PPP2R2C: variants seen among roughly 807,000 people sequenced by gnomAD.
PPP2R2C encodes protein phosphatase 2, regulatory subunit B, gamma.
In PPP2R2C, 10 loss-of-function variants were observed where a neutral mutation model predicts 45.3. The ratio of observed to expected loss-of-function variants is 0.22; its 90% CI spans 0.14 to 0.37. PPP2R2C has a LOEUF of 0.37. Among genes scored for constraint, PPP2R2C ranks in the 10% least tolerant of loss-of-function variants. The pLI, the probability that PPP2R2C is intolerant of heterozygous loss-of-function variation, is 1.00. For synonymous variants in PPP2R2C, 257 were observed against 245.4 expected, an observed-to-expected ratio of 1.05 and a Z score of -0.44; for missense variants, 308 against 619.7, an observed-to-expected ratio of 0.50 and a Z score of 5.34.
chr4:6,375,720 G>T lies in PPP2R2C; in HGVS notation c.447+99C>A, dbSNP rs560567276. On this transcript the variant is annotated intron_variant, in intron 4 of 8. Transcript: ENST00000382599. ...GCAGCCAGCAGCCCAACCAGGGTCT[G>T]CACCTGACTCTGGCTCAAATCTCAA... The T allele has an allele frequency of 1.9e-5, 20 of 1,053,846 alleles. No homozygotes were observed. The South Asian group carries it at 2.9e-4, about 15-fold the overall frequency. The allele number at this position is 1,053,846 out of a possible 1,614,324, so 65.3% of individuals were successfully genotyped here.
chr4:6,341,357 A>C (rs1197038737), intron 6 of PPP2R2C, among the ~76,000 whole-genome samples: 8 of 146,000 alleles, frequency 5.5e-5, no homozygotes, highest in Non-Finnish European at 1.2e-4. Flanking sequence ...AAAAAAAAAA[A>C]ACCCAGCTCA....
chr4:6,346,502 G>A (rs191886211), intron 6 of PPP2R2C, among the ~76,000 whole-genome samples: 26 of 152,300 alleles, frequency 1.7e-4, no homozygotes, highest in East Asian at 3.9e-4. Context: ...CCTGACATGC[G>A]TCAGGTGTGT....
intron 1 of PPP2R2C, chr4:6,421,006 CTGA>C: frequency 1.0e-6 from 1 of 985,238 alleles, no homozygotes; most frequent in Non-Finnish European, 1.2e-6. Flanking sequence ...CTCGATGTGC[CTGA>C]GGAGGGCTTC....
intron 2 of PPP2R2C, among the ~76,000 whole-genome samples, chr4:6,515,791 C>G (rs1341548938): frequency 6.6e-6 from 1 of 152,196 alleles, no homozygotes; most frequent in African/African-American, 2.4e-5. Flanking sequence ...TACTGTAAAG[C>G]TGTCCTGGAA....
intron 2 of PPP2R2C, among the ~76,000 whole-genome samples, chr4:6,510,975 TCAAACAAAAAAAAACAAA>T (rs1379371299): frequency 5.3e-5 from 2 of 37,714 alleles, no homozygotes; most frequent in Admixed American, 6.2e-4. Flanking sequence ...AGACTCCGTC[TCAAACAAAAAAAAACAAA>T]CAAACAAAAA....
intron 2 of PPP2R2C, among the ~76,000 whole-genome samples, chr4:6,507,725 G>A (rs960303543): frequency 2.6e-5 from 4 of 152,198 alleles, no homozygotes; most frequent in African/African-American, 9.7e-5. Context: ...TGAATTTTGG[G>A]GTGGTTTGTT....
At chr4:6,366,436 A>G (rs1310475045) in intron 5 of PPP2R2C, among the ~76,000 whole-genome samples, 2 of 152,344 alleles carry the variant, frequency 1.3e-5, no homozygotes, top group Middle Eastern at 3.4e-3. Context: ...ACAACCGTTC[A>G]TAAGTACCTC....
intron 1 of PPP2R2C, among the ~76,000 whole-genome samples, chr4:6,463,453 C>A (rs1233355508): frequency 3.3e-5 from 5 of 152,250 alleles, no homozygotes; most frequent in African/African-American, 9.6e-5. Flanking sequence ...GCAGCCCACA[C>A]CCCAGCTGGG....
At chr4:6,325,481 G>T (rs1283375839) in intron 8 of PPP2R2C, among the ~76,000 whole-genome samples, 1 of 152,206 alleles carries the variant, frequency 6.6e-6, no homozygotes, top group Non-Finnish European at 1.5e-5. Flanking sequence ...CCAGCACAGT[G>T]GGGAGGCAGC....
At chr4:6,519,834 C>G (rs976137936) in intron 2 of PPP2R2C, among the ~76,000 whole-genome samples, 4 of 152,134 alleles carry the variant, frequency 2.6e-5, no homozygotes, top group Admixed American at 6.5e-5. Flanking sequence ...AAGTGATCCA[C>G]AGAGACACAA....
chr4:6,556,351 A>C (rs1342733517), intron 1 of PPP2R2C, among the ~76,000 whole-genome samples: 2 of 152,176 alleles, frequency 1.3e-5, no homozygotes, highest in Non-Finnish European at 2.9e-5. Flanking sequence ...GAGCTGGGAC[A>C]TCAGTCTTCT....
intron 1 of PPP2R2C, among the ~76,000 whole-genome samples, chr4:6,390,237 A>AG (rs1403096238): frequency 6.6e-5 from 10 of 151,672 alleles, no homozygotes; most frequent in African/African-American, 1.7e-4. Flanking sequence ...CTGGGGGTGC[A>AG]CACACTGTGC....
chr4:6,542,123 C>T (rs141619766), intron 1 of PPP2R2C, among the ~76,000 whole-genome samples: 5 of 152,284 alleles, frequency 3.3e-5, no homozygotes, highest in East Asian at 1.9e-4. Flanking sequence ...GGGAGCAGTG[C>T]GCTCACTCCC....
At chr4:6,363,590 GA>G (rs1714018159) in intron 5 of PPP2R2C, among the ~76,000 whole-genome samples, 1 of 151,186 alleles carries the variant, frequency 6.6e-6, no homozygotes, top group South Asian at 2.1e-4. Context: ...AAAAAAAAAA[GA>G]AAAGAAAAAG....
chr4:6,373,087 GC>G (rs1180911166), intron 4 of PPP2R2C, among the ~76,000 whole-genome samples: 1 of 152,242 alleles, frequency 6.6e-6, no homozygotes, highest in East Asian at 1.9e-4. Flanking sequence ...TTTCCCAGCA[GC>G]CTTTGTGCCC....
intron 1 of PPP2R2C, among the ~76,000 whole-genome samples, chr4:6,431,689 A>G (rs1298935877): frequency 5.3e-5 from 8 of 151,938 alleles, no homozygotes; most frequent in African/African-American, 1.9e-4. Flanking sequence ...TCTAGTCCAC[A>G]CCTCGGGGCC....
chr4:6,449,597 G>A (rs1271705040), intron 1 of PPP2R2C, among the ~76,000 whole-genome samples: 1 of 152,204 alleles, frequency 6.6e-6, no homozygotes, highest in Admixed American at 6.5e-5. Context: ...ACATCCTCAC[G>A]TGGTTGCACA....
chr4:6,465,133 C>T (rs1258389209), intron 1 of PPP2R2C, among the ~76,000 whole-genome samples: 2 of 151,810 alleles, frequency 1.3e-5, no homozygotes, highest in African/African-American at 2.4e-5. Flanking sequence ...AAAGACTGGC[C>T]GCAAGACAGG....
At chr4:6,430,237 C>T (rs1323467432) in intron 1 of PPP2R2C, among the ~76,000 whole-genome samples, 2 of 152,208 alleles carry the variant, frequency 1.3e-5, no homozygotes, top group South Asian at 2.1e-4. Flanking sequence ...CTGCACTGTC[C>T]TGCCTGACCC....
Sources: allele counts gnomAD v4.1 joint callset (sites outside exome capture counted in the v4.1 genomes callset), GRCh38; gene constraint gnomAD v4.1.1; transcripts MANE v1.5; gene names NCBI Gene and HGNC (gene_info 2026-07-23, HGNC 2026-07-21).